Variants in UTP18 observed in about 807,000 individuals in gnomAD.
UTP18 encodes U3 small nucleolar RNA-associated protein 18 homolog.
In UTP18, 36 loss-of-function variants were observed where a neutral mutation model predicts 61.1. The ratio of observed to expected loss-of-function variants is 0.59; its 90% CI spans 0.45 to 0.78. UTP18 has a LOEUF of 0.78. Among genes scored for constraint, UTP18 ranks in the 30% least tolerant of loss-of-function variants. The probability of loss-of-function intolerance (pLI) is 0.00; values close to 1 mark genes in which losing one functional copy is unlikely to be tolerated. For synonymous variants in UTP18, 282 were observed against 251.1 expected, an observed-to-expected ratio of 1.12 and a Z score of -1.16; for missense variants, 753 against 693.9, an observed-to-expected ratio of 1.09 and a Z score of -0.96.
At chr17:51,284,143 T>A (rs1905035827) in intron 9 of UTP18, among the ~76,000 whole-genome samples, 1 of 152,264 alleles carries the variant, frequency 6.6e-6, no homozygotes, top group Non-Finnish European at 1.5e-5. Context: ...CTGCTTAACC[T>A]GCACGCTTAC....
intron 9 of UTP18, among the ~76,000 whole-genome samples, 177 bp downstream of exon 9, chr17:51,280,656 GA>G (rs1354763563): frequency 2.0e-5 from 3 of 151,182 alleles, no homozygotes; most frequent in Admixed American, 6.6e-5. Context: ...CTACTAAAAA[GA>G]AAAAAAGTAG....
intron 12 of UTP18, among the ~76,000 whole-genome samples, chr17:51,295,264 A>AGTCCTTGCCCATGCCTAT (rs1237460430): frequency 6.6e-6 from 1 of 152,030 alleles, no homozygotes; most frequent in Non-Finnish European, 1.5e-5. Flanking sequence ...TTAGACATGA[A>AGTCCTTGCCCATGCCTAT]GTCCTTGCCC....
intron 4 of UTP18, among the ~76,000 whole-genome samples, chr17:51,269,326 A>C (rs971859045): frequency 5.1e-5 from 7 of 137,548 alleles, no homozygotes; most frequent in Admixed American, 3.7e-4. Flanking sequence ...AAAAAAAAAA[A>C]CCAAAAAAAT....
chr17:51,277,962 C>T (rs1179424521), intron 7 of UTP18, among the ~76,000 whole-genome samples: 1 of 152,256 alleles, frequency 6.6e-6, no homozygotes, highest in East Asian at 1.9e-4. Context: ...GTAGTGTTGG[C>T]GTATGGCACG....
intron 11 of UTP18, chr17:51,288,542 T>A (rs1023102320): frequency 4.1e-5 from 19 of 460,818 alleles, no homozygotes; most frequent in African/African-American, 2.8e-4. Flanking sequence ...CATTTACCTT[T>A]TTAAGGCCTG....
intron 5 of UTP18, among the ~76,000 whole-genome samples, chr17:51,274,513 C>T (rs932460993): frequency 6.6e-6 from 1 of 152,102 alleles, no homozygotes. Flanking sequence ...GTGATCTCGG[C>T]TCACTGCAAC....
At chr17:51,277,707 A>G (rs768005234) in intron 7 of UTP18, among the ~76,000 whole-genome samples, 1 of 152,216 alleles carries the variant, frequency 6.6e-6, no homozygotes, top group Non-Finnish European at 1.5e-5. Context: ...TGTTAGTTAT[A>G]ATAAAATTTT....
At chr17:51,263,919 A>G (rs772145981) in intron 2 of UTP18, among the ~76,000 whole-genome samples, 1 of 151,924 alleles carries the variant, frequency 6.6e-6, no homozygotes, top group African/African-American at 2.4e-5. Flanking sequence ...CTTTGTAAAC[A>G]TTTCTCCCTA....
rs1382252838 is a variant in UTP18, at chr17:51,263,400, CTT to C, written c.455+17_455+18del. The C allele has an allele frequency of 5.6e-6, 9 of 1,596,698 alleles. No homozygotes were observed. The highest frequency in any genetic ancestry group is 1.7e-5 in the Admixed American group (1 of 59,796). On this transcript the variant is annotated intron_variant, in intron 2 of 13. Coordinates refer to ENST00000225298, the MANE Select transcript of UTP18 (RefSeq NM_016001.3). ...AGATGAGGAAATGTAAGTTGCCTAA[CTT>C]TTCTTCTGAATCCCTCTGTACACTT...
intron 4 of UTP18, 31 bp downstream of exon 4, chr17:51,268,935 A>G: frequency 1.3e-6 from 2 of 1,595,036 alleles, no homozygotes; most frequent in Non-Finnish European, 8.6e-7. Flanking sequence ...TTAAATTAGT[A>G]CATAAGTCCC....
intron 9 of UTP18, among the ~76,000 whole-genome samples, chr17:51,280,755 G>A (rs963057604): frequency 4.6e-5 from 7 of 151,838 alleles, no homozygotes; most frequent in African/African-American, 1.7e-4. Context: ...AGAGGTTGCA[G>A]TGAGCTGTGA....
intron 9 of UTP18, 149 bp downstream of exon 9, chr17:51,280,628 C>T: frequency 2.9e-6 from 2 of 686,580 alleles, no homozygotes; most frequent in South Asian, 3.8e-5. Context: ...GCCTGGCCAA[C>T]ATGGTAAAAC....
chr17:51,283,689 C>G (rs191576480), intron 9 of UTP18, among the ~76,000 whole-genome samples: 1 of 150,956 alleles, frequency 6.6e-6, no homozygotes, highest in East Asian at 2.0e-4. Flanking sequence ...TCTTGGCTCA[C>G]TACATCCTCT....
intron 11 of UTP18, among the ~76,000 whole-genome samples, chr17:51,291,094 A>G (rs1905226767): frequency 6.6e-6 from 1 of 152,226 alleles, no homozygotes; most frequent in South Asian, 2.1e-4. Context: ...AACTGTCGTG[A>G]TAGAAATGGT....
chr17:51,266,108 C>T lies in UTP18; in HGVS notation c.456-74C>T. The T allele has an allele frequency of 1.0e-5, 12 of 1,149,348 alleles. No homozygotes were observed. The South Asian group carries it at 2.0e-4, about 19-fold the overall frequency. 71.2% of individuals were successfully genotyped at this position (1,149,348 alleles called of 1,614,324 possible). A position where few individuals can be genotyped will look rare whatever the true frequency, so the allele number is the denominator to read the frequency against. On this transcript the variant is annotated intron_variant, in intron 2 of 13. Coordinates refer to ENST00000225298, the MANE Select transcript of UTP18 (RefSeq NM_016001.3). ...TATTGTTTCATTAAACATTTTTCTC[C>T]AAGTGCTAAAAGCAGCAGCTATTTA...
chr17:51,275,380 T>C (rs1027988336), intron 5 of UTP18, among the ~76,000 whole-genome samples: 6 of 152,194 alleles, frequency 3.9e-5, no homozygotes, highest in African/African-American at 7.2e-5. Context: ...CTTGGAACCA[T>C]GTACCCTAAG....
chr17:51,263,164 C>G, intron 1 of UTP18, 110 bp from the exon 2 acceptor site: 1 of 819,692 alleles, frequency 1.2e-6, no homozygotes, highest in Admixed American at 2.5e-5. Flanking sequence ...ATTATTTCAT[C>G]AGAGAGTGGT....
At chr17:51,293,812 T>A in intron 11 of UTP18, 91 bp from the exon 12 acceptor site, 1 of 1,136,106 alleles carries the variant, frequency 8.8e-7, no homozygotes, top group Non-Finnish European at 1.2e-6. Context: ...ATGAGCTTTA[T>A]GTTTCAGCAG....
intron 9 of UTP18, among the ~76,000 whole-genome samples, chr17:51,283,009 C>A (rs868771214): frequency 6.6e-6 from 1 of 151,542 alleles, no homozygotes; most frequent in Non-Finnish European, 1.5e-5. Flanking sequence ...GCTGGAATTA[C>A]AGGCGCATAC....
Sources: gnomAD v4.1 joint callset for allele counts (sites outside exome capture counted in the v4.1 genomes callset) on GRCh38, gnomAD v4.1.1 for gene constraint, MANE v1.5 for transcripts, NCBI Gene and HGNC (gene_info 2026-07-23, HGNC 2026-07-21) for gene names.